Variants in CCDC190 observed in about 807,000 individuals in gnomAD.
CCDC190 encodes the protein coiled-coil domain containing 190, also known as coiled-coil domain-containing protein 190.
CCDC190 carries 10 observed loss-of-function variants against 13.1 expected under a neutral mutation model. The ratio of observed to expected loss-of-function variants is 0.77; its 90% CI spans 0.47 to 1.30. CCDC190 has a LOEUF of 1.30. Ranked by LOEUF, CCDC190 falls within the 50% of genes most tolerant of loss-of-function variation. The probability of loss-of-function intolerance (pLI) is 0.00; values close to 1 mark genes in which losing one functional copy is unlikely to be tolerated. For missense variants in CCDC190, 375 were observed against 354.3 expected (o/e 1.06, Z -0.47); for synonymous variants, 136 against 127.2 (o/e 1.07, Z -0.47).
At position 162,851,291 on chromosome 1, in the gene CCDC190, T is replaced by C. The variant is rs1387923894; in HGVS notation, c.*3474A>G. 1 of 110,944 alleles carries C rather than the reference T, an allele frequency of 9.0e-6. No homozygotes were observed. The highest frequency in any genetic ancestry group is 9.1e-5 in the Admixed American group (1 of 10,964). 6.9% of individuals were successfully genotyped at this position (110,944 alleles called of 1,614,324 possible). ...TCCACACACCTCTGGTTCCTCTCCA[T>C]TTTTTTTTTTTTTTTTTTTTTTTTG... is the stretch of plus-strand genomic sequence containing the variant. On this transcript the variant is annotated 3_prime_UTR_variant, in exon 4 of 4. Coordinates refer to ENST00000367912, the MANE Select transcript of CCDC190 (RefSeq NM_001394065.1).
At chr1:162,866,693 C>T (rs983178682) in intron 1 of CCDC190, among the ~76,000 whole-genome samples, 1 of 151,980 alleles carries the variant, frequency 6.6e-6, no homozygotes, top group Non-Finnish European at 1.5e-5. Context: ...GATTTCGAGA[C>T]TTATTCTAAT....
At chr1:162,856,144 ACC>A (rs1443683324) in intron 2 of CCDC190, among the ~76,000 whole-genome samples, 1 of 152,172 alleles carries the variant, frequency 6.6e-6, no homozygotes, top group Non-Finnish European at 1.5e-5. Flanking sequence ...TGTTTAAGGC[ACC>A]CGGTTTATAG....
rs184945072 is a variant in CCDC190 at position 162,856,980 on chromosome 1, A to T, written c.188-1225T>A. Among the ~76,000 whole-genome samples the T allele has an allele frequency of 1.9e-3, 290 of 152,226 alleles. 1 individual carries two copies. Among genetic ancestry groups the T allele is most frequent in the African/African-American group, 6.7e-3 (279 of 41,538 alleles). On this transcript the variant is annotated intron_variant, in intron 2 of 3. Coordinates refer to ENST00000367912, the MANE Select transcript of CCDC190 (RefSeq NM_001394065.1). Reference sequence around the variant, plus strand: ...ATGGGCCCAATAGGTTCAAAAATGAACATATCTTTTCTCTGAAACTTGATG... The same window carrying T: ...ATGGGCCCAATAGGTTCAAAAATGATCATATCTTTTCTCTGAAACTTGATG...
intron 1 of CCDC190, among the ~76,000 whole-genome samples, chr1:162,860,297 G>T (rs1463627826): frequency 6.6e-6 from 1 of 152,180 alleles, no homozygotes; most frequent in Non-Finnish European, 1.5e-5. Flanking sequence ...CATCCACGAT[G>T]AGTAGTCTGG....
chr1:162,858,571 C>T (rs1650391356), intron 2 of CCDC190, among the ~76,000 whole-genome samples: 1 of 152,156 alleles, frequency 6.6e-6, no homozygotes, highest in Non-Finnish European at 1.5e-5. Flanking sequence ...GCTGTGTTGA[C>T]CTGAAATATT....
chr1:162,862,432 G>A (rs1335796553), upstream of CCDC190, among the ~76,000 whole-genome samples: 1 of 152,198 alleles, frequency 6.6e-6, no homozygotes, highest in Non-Finnish European at 1.5e-5. Context: ...ATGGGAGGGA[G>A]CAGAGGGGTT....
chr1:162,863,980 T>C (rs562947247), upstream of CCDC190, among the ~76,000 whole-genome samples: 434 of 147,812 alleles, frequency 2.9e-3, no homozygotes, highest in African/African-American at 0.01. Context: ...GATCACGCCA[T>C]TGCACTCCTG....
At position 162,854,584 on chromosome 1, in the gene CCDC190, C is replaced by T; in HGVS notation, c.*181G>A. 7.3e-7 allele frequency: 1 copy of T among 1,365,814 alleles called. No individual in the cohort carries two copies. 84.6% of individuals were successfully genotyped at this position (1,365,814 alleles called of 1,614,324 possible). Reference sequence around the variant, plus strand: ...AAGATTCATTCTTCCTCTCCTTTTTCATATATTAGCATTGTTCATTCAAGA... The same window carrying T: ...AAGATTCATTCTTCCTCTCCTTTTTTATATATTAGCATTGTTCATTCAAGA... On this transcript the variant is annotated 3_prime_UTR_variant, in exon 4 of 4. Transcript: ENST00000367912.
chr1:162,859,544 G>T lies in CCDC190; in HGVS notation c.103C>A (p.Leu35Ile). The T allele has an allele frequency of 6.2e-7, 1 of 1,613,870 alleles. No homozygotes were observed. The highest frequency in any genetic ancestry group is 8.5e-7 in the Non-Finnish European group (1 of 1,179,850). The change falls in exon 2 of 4, where the codon CTA (leucine) becomes ATA (isoleucine). Residue 35 changes from leucine (L) to isoleucine (I), a missense_variant. Transcript: ENST00000367912. ...EARLDQRLQR[L>I]KVICLYHVKL... ...ACATGGTAGAGGCAAATAACCTTTA[G>T]TCTCTGCAGTCTTTGGTCCAGTCTG...
Position 162,854,331 on chromosome 1 carries a change from T to C in CCDC190, c.*434A>G. 2.0e-6 allele frequency: 2 copies of C among 991,032 alleles called. No homozygotes were observed. Among genetic ancestry groups the C allele is most frequent in the South Asian group, 9.2e-5 (2 of 21,706 alleles). The allele number at this position is 991,032 out of a possible 1,614,324, so 61.4% of individuals were successfully genotyped here. A position where few individuals can be genotyped will look rare whatever the true frequency, so the allele number is the denominator to read the frequency against. On this transcript the variant is annotated 3_prime_UTR_variant, in exon 4 of 4. Transcript: ENST00000367912. ...GAGCAGATTTTCTTTATAGACCATG[T>C]TACAGTACCTATTTACAATCACATT... is the stretch of plus-strand genomic sequence containing the variant.
At chr1:162,865,736 A>C (rs372746512), upstream of CCDC190, among the ~76,000 whole-genome samples, 9 of 152,352 alleles carry the variant, frequency 5.9e-5, no homozygotes, top group Admixed American at 3.9e-4. Flanking sequence ...TCATCAAACT[A>C]GGAATAGAAG....
At chr1:162,855,797 T>A (rs1257423664) in intron 2 of CCDC190, 42 bp from the exon 3 acceptor site, 1 of 1,546,036 alleles carries the variant, frequency 6.5e-7, no homozygotes, top group South Asian at 1.2e-5. Flanking sequence ...TTGGATTGTG[T>A]CCTTAAATTT....
In CCDC190 at chr1:162,855,713, A is replaced by T; in HGVS notation, c.230T>A (p.Phe77Tyr). Residue 77 changes from phenylalanine to tyrosine, a missense_variant, in exon 3 of 4, where the codon TTT becomes TAT. Transcript: ENST00000367912. Reference protein sequence around the residue: ...KKFSSYLGNGFQKRPEDVLVF... With the variant: ...KKFSSYLGNGYQKRPEDVLVF... ...GAGAACATCTTCTGGTCTCTTCTGA[A>T]ATCCATTCCCCAAATAAGAGGAGAA... The T allele has an allele frequency of 6.2e-7, 1 of 1,613,094 alleles. No homozygotes were observed. The highest frequency in any genetic ancestry group is 8.5e-7 in the Non-Finnish European group (1 of 1,179,414).
chr1:162,859,673 G>T lies in CCDC190; in HGVS notation c.-12-15C>A. 2.5e-6 allele frequency: 4 copies of T among 1,595,840 alleles called. No homozygotes were observed. The highest frequency in any genetic ancestry group is 2.6e-6 in the Non-Finnish European group (3 of 1,171,296). On this transcript the variant is annotated splice_polypyrimidine_tract_variant and intron_variant, in intron 1 of 3. Coordinates refer to ENST00000367912, the MANE Select transcript of CCDC190 (RefSeq NM_001394065.1). ...TTCTTTATGGTCTAGAGACAATAAG[G>T]TATCACAAATAACCTGATAAATGGA...
intron 3 of CCDC190, 40 bp downstream of exon 3, chr1:162,855,592 C>G: frequency 6.2e-7 from 1 of 1,606,716 alleles, no homozygotes; most frequent in Non-Finnish European, 8.5e-7. Context: ...GGAAGAGAGA[C>G]TTAATGTCAT....
chr1:162,859,340 G>A, intron 2 of CCDC190, 120 bp downstream of exon 2: 1 of 876,300 alleles, frequency 1.1e-6, no homozygotes, highest in South Asian at 1.8e-5. Context: ...AGTCCTGGCT[G>A]TGATCAAAAG....
In CCDC190 at chr1:162,852,942, A is replaced by T. The variant is rs1250290661; in HGVS notation, c.*1823T>A. 4 of 610,794 alleles carry T rather than the reference A, an allele frequency of 6.5e-6. No homozygotes were observed. The highest frequency in any genetic ancestry group is 1.2e-5 in the Non-Finnish European group (4 of 339,128). The allele number at this position is 610,794 out of a possible 1,614,324, so 37.8% of individuals were successfully genotyped here. ...AGAACTTTTAGGAAAGAGCTTGCGC[A>T]GTTTACAAAGGGGTTCTCTAATTGT... On this transcript the variant is annotated 3_prime_UTR_variant, in exon 4 of 4. Coordinates refer to ENST00000367912, the MANE Select transcript of CCDC190 (RefSeq NM_001394065.1).
chr1:162,864,471 T>G (rs1367547077), upstream of CCDC190, among the ~76,000 whole-genome samples: 1 of 152,102 alleles, frequency 6.6e-6, no homozygotes, highest in Non-Finnish European at 1.5e-5. Flanking sequence ...CATGAGGAAG[T>G]ATAAAGACTA....
chr1:162,867,417 T>G (rs10799875), intron 1 of CCDC190, among the ~76,000 whole-genome samples: 96,253 of 152,028 alleles, frequency 0.63, 32,858 homozygotes, highest in Non-Finnish European at 0.77. Flanking sequence ...AATTTAAATT[T>G]AAAAAAAGTG....
Sources: allele counts gnomAD v4.1 joint callset (sites outside exome capture counted in the v4.1 genomes callset), GRCh38; gene constraint gnomAD v4.1.1; transcripts MANE v1.5; gene names NCBI Gene and HGNC (gene_info 2026-07-23, HGNC 2026-07-21).